The following ZNF486 variants were observed in gnomAD, a reference collection of about 807,000 sequenced individuals.
The protein encoded by ZNF486 is KRAB box only protein 2.
In ZNF486, 12 loss-of-function variants were observed where a neutral mutation model predicts 12.8. That is an observed-to-expected ratio of 0.94 (90% CI 0.60 to 1.52). The LOEUF (loss-of-function observed/expected upper bound fraction) is 1.52, where lower values mean the gene tolerates loss of function less well. Among genes scored for constraint, ZNF486 ranks in the 40% most tolerant of loss-of-function variants. The probability of loss-of-function intolerance (pLI) is 0.00; values close to 1 mark genes in which losing one functional copy is unlikely to be tolerated. For synonymous variants in ZNF486, 231 were observed against 184.9 expected (o/e 1.25, Z -2.02); for missense variants, 738 against 545.0 (o/e 1.35, Z -3.53).
At chr19:20,193,449 C>A (rs910742496) in intron 3 of ZNF486, among the ~76,000 whole-genome samples, 4 of 151,940 alleles carry the variant, frequency 2.6e-5, no homozygotes, top group Admixed American at 2.0e-4. Context: ...ATCAGAAGGT[C>A]AGGAGTTCGA....
At position 20,181,285 on chromosome 19, in the gene ZNF486, A is replaced by T. The variant is rs552195033; in HGVS notation, c.31-3071A>T. Among the ~76,000 whole-genome samples, 120 of 152,228 alleles carry T rather than the reference A, an allele frequency of 7.9e-4. 2 individuals are homozygous for T. The highest frequency in any genetic ancestry group is 6.8e-3 in the Middle Eastern group (2 of 294). On this transcript the variant is annotated intron_variant, in intron 1 of 3. Coordinates refer to ENST00000335117, the MANE Select transcript of ZNF486 (RefSeq NM_052852.4). ...CCGGGCGCGGTGGCTCACGCCTGTAATCCCAGCACTTTGGGAGGCCAAGGC... is the reference window on the plus strand; with the variant it reads ...CCGGGCGCGGTGGCTCACGCCTGTATTCCCAGCACTTTGGGAGGCCAAGGC...
rs1555718337 is a variant in ZNF486 at position 20,197,897 on chromosome 19, A to T, written c.1187A>T (p.His396Leu). ...AFTWSAGLHK[H>L]RRTHTGEKPY... The stretch of plus-strand genomic sequence containing the variant: ...ACATGGTCTGCAGGCCTCCATAAAC[A>T]TAGGAGAACTCATACTGGAGAGAAA... Residue 396 changes from histidine to leucine, a missense_variant, in exon 4 of 4, where the codon CAT (histidine) becomes CTT (leucine). Physicochemically the swap from His to Leu is moderately conservative, Grantham distance 99 (BLOSUM62 -3). Transcript: ENST00000335117. The T allele has an allele frequency of 1.2e-6, 2 of 1,613,474 alleles. No homozygotes were observed. Among genetic ancestry groups the T allele is most frequent in the Non-Finnish European group, 1.7e-6 (2 of 1,179,878 alleles).
At chr19:20,186,993 C>T (rs746464860) in intron 3 of ZNF486, among the ~76,000 whole-genome samples, 4 of 150,170 alleles carry the variant, frequency 2.7e-5, no homozygotes, top group Non-Finnish European at 5.9e-5. Context: ...CCATGTTGGC[C>T]AGGCTGGTCT....
At chr19:20,191,424 T>A (rs1358658618) in intron 3 of ZNF486, among the ~76,000 whole-genome samples, 2 of 109,784 alleles carry the variant, frequency 1.8e-5, no homozygotes, top group Admixed American at 1.9e-4. Context: ...CTGAGATTGC[T>A]CTACTGCACT....
rs782759961 is a variant in ZNF486, at chr19:20,184,430, G to C, written c.105G>C (p.Gln35His). The C allele has an allele frequency of 6.2e-7, 1 of 1,613,518 alleles. No individual in the cohort carries two copies. The highest frequency in any genetic ancestry group is 1.1e-5 in the South Asian group (1 of 91,026). Residue 35 changes from glutamine (Q) to histidine (H), a missense_variant, in exon 2 of 4, where the codon CAG (glutamine) becomes CAC (histidine). Physicochemically the swap from Gln to His is conservative, Grantham distance 24. Coordinates refer to ENST00000335117, the MANE Select transcript of ZNF486 (RefSeq NM_052852.4). ...EEWHCLDTAQ[Q>H]NLYRDVMLEN... is the part of the protein sequence containing the mutation. The stretch of plus-strand genomic sequence containing the variant: ...GGCATTGCCTGGACACTGCACAGCA[G>C]AATTTATATAGGGATGTGATGTTAG...
Position 20,199,705 on chromosome 19 carries a change from T to C in ZNF486, c.*1603T>C, listed in dbSNP as rs1555718623. The C allele has an allele frequency of 6.7e-6, 1 of 149,784 alleles. No homozygotes were observed. Among genetic ancestry groups the C allele is most frequent in the Non-Finnish European group, 1.5e-5 (1 of 67,746 alleles). 9.3% of individuals were successfully genotyped at this position (149,784 alleles called of 1,614,324 possible). On this transcript the variant is annotated 3_prime_UTR_variant, in exon 4 of 4. Coordinates refer to ENST00000335117, the MANE Select transcript of ZNF486 (RefSeq NM_052852.4). Reference sequence around the variant, plus strand: ...CCTGGGCAATAAGAGTGAAACTCTGTCTCCAGGAAAAAAAAAAATTTATTT... The same window carrying C: ...CCTGGGCAATAAGAGTGAAACTCTGCCTCCAGGAAAAAAAAAAATTTATTT...
At chr19:20,168,058 T>C (rs781817208) in intron 1 of ZNF486, among the ~76,000 whole-genome samples, 25 of 152,074 alleles carry the variant, frequency 1.6e-4, no homozygotes, top group Non-Finnish European at 3.2e-4. Flanking sequence ...AAAAACTACG[T>C]TGGGGTTAAA....
intron 3 of ZNF486, among the ~76,000 whole-genome samples, chr19:20,195,559 C>G (rs2089950143): frequency 6.6e-6 from 1 of 152,086 alleles, no homozygotes; most frequent in South Asian, 2.1e-4. Context: ...GGGCCATGTT[C>G]TAATATTTGG....
intron 3 of ZNF486, among the ~76,000 whole-genome samples, chr19:20,194,486 G>A (rs1278532001): frequency 6.6e-6 from 1 of 152,144 alleles, no homozygotes; most frequent in Non-Finnish European, 1.5e-5. Flanking sequence ...CAGCACTTTG[G>A]GAGACTGAGA....
At chr19:20,184,766 C>T (rs1251064352) in intron 2 of ZNF486, among the ~76,000 whole-genome samples, 1 of 152,070 alleles carries the variant, frequency 6.6e-6, no homozygotes, top group Non-Finnish European at 1.5e-5. Context: ...CTGAAAATCT[C>T]ATTGCCACCA....
intron 1 of ZNF486, among the ~76,000 whole-genome samples, chr19:20,173,775 T>C (rs1455906044): frequency 1.3e-5 from 2 of 151,386 alleles, no homozygotes; most frequent in African/African-American, 4.9e-5. Flanking sequence ...GGGCTTGCAG[T>C]GAGCTGAGAT....
At chr19:20,175,331 ATTTTTTTTTT>A (rs782300626) in intron 1 of ZNF486, 6 of 119,894 alleles carry the variant, frequency 5.0e-5, no homozygotes, top group African/African-American at 6.8e-5. Flanking sequence ...AGCCCTATTA[ATTTTTTTTTT>A]TTTTTTTTTA....
At chr19:20,174,594 C>T (rs1383882361) in intron 1 of ZNF486, among the ~76,000 whole-genome samples, 5 of 151,920 alleles carry the variant, frequency 3.3e-5, no homozygotes, top group Admixed American at 6.6e-5. Flanking sequence ...TCACCATGTT[C>T]GCCAGTTTGA....
At chr19:20,182,515 G>C (rs531038398) in intron 1 of ZNF486, among the ~76,000 whole-genome samples, 2 of 150,272 alleles carry the variant, frequency 1.3e-5, no homozygotes, top group Non-Finnish European at 3.0e-5. Context: ...TCAAGTATGA[G>C]CACTTCAAAA....
chr19:20,167,497 C>G (rs1555713195), intron 1 of ZNF486, 137 bp downstream of exon 1: 2 of 978,452 alleles, frequency 2.0e-6, no homozygotes, highest in African/African-American at 1.6e-5. Flanking sequence ...CGGCCTCAGT[C>G]CCCTTCAGCC....
At chr19:20,170,790 A>T (rs1368967908) in intron 1 of ZNF486, among the ~76,000 whole-genome samples, 2 of 152,174 alleles carry the variant, frequency 1.3e-5, no homozygotes, top group Admixed American at 6.5e-5. Flanking sequence ...TTCCATGATT[A>T]TCTATGTGTT....
In ZNF486 at chr19:20,190,816, A is replaced by C. The variant is rs8112198; in HGVS notation, c.253+4734A>C. 5.3e-5 allele frequency among the ~76,000 whole-genome samples: 8 copies of C among 152,240 alleles called. No homozygotes were observed. The South Asian group carries it at 1.4e-3, about 28-fold the overall frequency. On this transcript the variant is annotated intron_variant, in intron 3 of 3. Coordinates refer to ENST00000335117, the MANE Select transcript of ZNF486 (RefSeq NM_052852.4). Reference sequence around the variant, plus strand: ...TGTCTGTGAAGCCTAGTTGGTCTATAATATGGTTTCCATGTTCATGTTCTC... The same window carrying C: ...TGTCTGTGAAGCCTAGTTGGTCTATCATATGGTTTCCATGTTCATGTTCTC...
At position 20,167,509 on chromosome 19, in the gene ZNF486, T is replaced by G. The variant is rs536377079; in HGVS notation, c.30+149T>G. Reference sequence around the variant, plus strand: ...GCTCGGCCTCAGTCCCCTTCAGCCATAAGATGGTGGCTGCGCTGACAGCCG... The same window carrying G: ...GCTCGGCCTCAGTCCCCTTCAGCCAGAAGATGGTGGCTGCGCTGACAGCCG... On this transcript the variant is annotated intron_variant, in intron 1 of 3. Transcript: ENST00000335117. The G allele has an allele frequency of 8.9e-6, 8 of 894,520 alleles. No homozygotes were observed. The South Asian group carries it at 1.3e-4, about 15-fold the overall frequency. The allele number at this position is 894,520 out of a possible 1,614,324, so 55.4% of individuals were successfully genotyped here.
At chr19:20,169,888 G>GTTTTTTTTT (rs781968530) in intron 1 of ZNF486, among the ~76,000 whole-genome samples, 4 of 108,914 alleles carry the variant, frequency 3.7e-5, no homozygotes, top group African/African-American at 1.5e-4. Context: ...GGGGTTGTAT[G>GTTTTTTTTT]TTTTTTTTTT....
Sources: allele counts gnomAD v4.1 joint callset (sites outside exome capture counted in the v4.1 genomes callset), GRCh38; gene constraint gnomAD v4.1.1; transcripts MANE v1.5; gene names NCBI Gene and HGNC (gene_info 2026-07-23, HGNC 2026-07-21).